Variants in HMGCLL1 observed in about 807,000 individuals in gnomAD.
The protein encoded by HMGCLL1 is 3-hydroxy-3-methylglutaryl-CoA lyase like 1.
A neutral mutation model predicts 39.1 loss-of-function variants in HMGCLL1; 36 were observed. That is an observed-to-expected ratio of 0.92 (90% CI 0.71 to 1.22). HMGCLL1 has a LOEUF of 1.22. HMGCLL1 is among the 50% of genes most tolerant of loss of function. HMGCLL1 has a pLI of 0.00. For synonymous variants in HMGCLL1, 149 were observed against 144.0 expected, an observed-to-expected ratio of 1.03 and a Z score of -0.25; for missense variants, 451 against 416.5, an observed-to-expected ratio of 1.08 and a Z score of -0.72.
intron 5 of HMGCLL1, among the ~76,000 whole-genome samples, chr6:55,501,347 T>C (rs909543587): frequency 2.6e-5 from 4 of 151,938 alleles, no homozygotes; most frequent in African/African-American, 9.7e-5. Flanking sequence ...CATGCCCATC[T>C]GTTTGCATAC....
At chr6:55,662,474 G>A in the HMGCLL1 span, among the ~76,000 whole-genome samples, 3 of 151,484 alleles carry the variant, frequency 2.0e-5, no homozygotes, top group Non-Finnish European at 3.0e-5. Flanking sequence ...TAGTATGTGA[G>A]GGATCACATT....
At chr6:55,460,651 C>T (rs1764519655) in intron 7 of HMGCLL1, among the ~76,000 whole-genome samples, 1 of 151,854 alleles carries the variant, frequency 6.6e-6, no homozygotes. Flanking sequence ...AAAATACATA[C>T]ATAGACACAT....
intron 7 of HMGCLL1, among the ~76,000 whole-genome samples, chr6:55,461,040 A>G (rs772954392): frequency 5.3e-5 from 8 of 151,956 alleles, no homozygotes; most frequent in Non-Finnish European, 8.8e-5. Flanking sequence ...GTGCTGCTAC[A>G]GGATTTGGAA....
chr6:55,555,355 C>CAAA (rs2127467347), intron 1 of HMGCLL1, among the ~76,000 whole-genome samples: 1 of 152,166 alleles, frequency 6.6e-6, no homozygotes, highest in African/African-American at 2.4e-5. Context: ...ACAACAACAA[C>CAAA]AACGATCCCA....
the HMGCLL1 span, among the ~76,000 whole-genome samples, chr6:55,645,228 T>C: frequency 6.6e-6 from 1 of 152,164 alleles, no homozygotes; most frequent in South Asian, 2.1e-4. Flanking sequence ...GAAATGCCAC[T>C]GATTTTTTTA....
chr6:55,457,628 C>T (rs73744297), intron 7 of HMGCLL1, among the ~76,000 whole-genome samples: 25,922 of 152,074 alleles, frequency 0.17, 2,435 homozygotes, highest in African/African-American at 0.26. Context: ...CAACATCCTA[C>T]TTTCTGTCTC....
At position 55,541,797 on chromosome 6, in the gene HMGCLL1, G is replaced by T. The variant is rs373355530; in HGVS notation, c.229C>A (p.Arg77=). The T allele has an allele frequency of 6.2e-7, 1 of 1,607,804 alleles. No individual in the cohort carries two copies. The highest frequency in any genetic ancestry group is 8.5e-7 in the Non-Finnish European group (1 of 1,176,210). ...ACAGACAAGCCAGTTTGGGAAAGTCGATTGATAAATTCAATTTTTATATCT... is the reference window on the plus strand; with the variant it reads ...ACAGACAAGCCAGTTTGGGAAAGTCTATTGATAAATTCAATTTTTATATCT... ...PTDIKIEFIN[R]LSQTGLSVIE... is the part of the protein sequence containing the mutation. The change falls in exon 3 of 9, where the codon CGA becomes AGA. Residue 77 remains arginine, a synonymous_variant. Coordinates refer to ENST00000274901, the MANE Select transcript of HMGCLL1 (RefSeq NM_001042406.2).
At chr6:55,583,353 AC>A (rs960848947), upstream of HMGCLL1, among the ~76,000 whole-genome samples, 2 of 128,748 alleles carry the variant, frequency 1.6e-5, no homozygotes, top group Non-Finnish European at 3.3e-5. Context: ...CTCTCCCCCC[AC>A]CCCACAACAG....
chr6:55,519,282 T>A (rs910692635), intron 3 of HMGCLL1, among the ~76,000 whole-genome samples: 1 of 151,830 alleles, frequency 6.6e-6, no homozygotes, highest in Non-Finnish European at 1.5e-5. Flanking sequence ...ATTGTGAGAA[T>A]CCATCTTGTG....
chr6:55,622,664 T>C, the HMGCLL1 span, among the ~76,000 whole-genome samples: 1 of 152,132 alleles, frequency 6.6e-6, no homozygotes, highest in Non-Finnish European at 1.5e-5. Flanking sequence ...AGTTTGCTAC[T>C]GTTTTGTTGA....
chr6:55,453,499 T>A (rs1764192333), intron 7 of HMGCLL1, among the ~76,000 whole-genome samples: 2 of 152,156 alleles, frequency 1.3e-5, no homozygotes, highest in African/African-American at 4.8e-5. Flanking sequence ...TAGGGGCTTT[T>A]GGGATATGGA....
chr6:55,657,762 A>G, the HMGCLL1 span, among the ~76,000 whole-genome samples: 1 of 152,164 alleles, frequency 6.6e-6, no homozygotes, highest in African/African-American at 2.4e-5. Flanking sequence ...TTGCAGAAAC[A>G]TGGGTGGAGC....
chr6:55,670,750 T>TA, the HMGCLL1 span, among the ~76,000 whole-genome samples: 35 of 151,608 alleles, frequency 2.3e-4, no homozygotes, highest in African/African-American at 7.2e-4. Context: ...GGGAAACATA[T>TA]AAAAAAAGTA....
the HMGCLL1 span, among the ~76,000 whole-genome samples, chr6:55,647,542 A>G: frequency 6.9e-6 from 1 of 145,020 alleles, no homozygotes; most frequent in Non-Finnish European, 1.5e-5. Context: ...TGCTTTTTAG[A>G]TTTTCTTATC....
intron 7 of HMGCLL1, among the ~76,000 whole-genome samples, chr6:55,477,322 T>TTA (rs1279293484): frequency 6.7e-5 from 1 of 15,004 alleles, no homozygotes; most frequent in South Asian, 1.8e-3. Flanking sequence ...ATAATATATA[T>TTA]TATATTATAT....
At chr6:55,625,854 C>T in the HMGCLL1 span, among the ~76,000 whole-genome samples, 48 of 152,204 alleles carry the variant, frequency 3.2e-4, no homozygotes, top group African/African-American at 1.0e-3. Context: ...TGCTCACCAG[C>T]GGGTGACATT....
chr6:55,593,724 A>C, the HMGCLL1 span, among the ~76,000 whole-genome samples: 2 of 127,698 alleles, frequency 1.6e-5, no homozygotes, highest in Non-Finnish European at 3.9e-5. Context: ...GTTGATTGAA[A>C]TAATAATAAC....
Position 55,533,885 on chromosome 6 carries a change from C to CA in HMGCLL1, c.297+7843dup, listed in dbSNP as rs70986727. On this transcript the variant is annotated intron_variant, in intron 3 of 8. Transcript: ENST00000274901. ...TGGGCGACAGAGCGAGACTCCGTCT[C>CA]AAAAAAAAAAAAAAAGAAGTTACAA... 1.4e-3 allele frequency among the ~76,000 whole-genome samples: 98 copies of CA among 71,688 alleles called. 3 individuals carry two copies. The highest frequency in any genetic ancestry group is 2.3e-3 in the African/African-American group (46 of 20,270). 47.0% of individuals were successfully genotyped at this position (71,688 alleles called of 152,430 possible). A position where few individuals can be genotyped will look rare whatever the true frequency, so the allele number is the denominator to read the frequency against.
At chr6:55,649,204 C>G in the HMGCLL1 span, among the ~76,000 whole-genome samples, 1 of 152,020 alleles carries the variant, frequency 6.6e-6, no homozygotes, top group Non-Finnish European at 1.5e-5. Flanking sequence ...GATTTCGTCT[C>G]ACTCATTAAC....
Sources: gnomAD v4.1 joint callset for allele counts (sites outside exome capture counted in the v4.1 genomes callset) on GRCh38, gnomAD v4.1.1 for gene constraint, MANE v1.5 for transcripts, NCBI Gene and HGNC (gene_info 2026-07-23, HGNC 2026-07-21) for gene names.